The following DPP6 variants were observed in gnomAD, a reference collection of about 807,000 sequenced individuals.
DPP6 encodes dipeptidyl peptidase like 6, also known as A-type potassium channel modulatory protein DPP6.
Under a neutral mutation model 122.6 loss-of-function variants are expected in DPP6, and 69 were observed. That is an observed-to-expected ratio of 0.56 (90% CI 0.46 to 0.69). The LOEUF is 0.69. Ranked by LOEUF, DPP6 falls within the 30% of genes least tolerant of loss-of-function variation. DPP6 has a pLI of 0.00. For missense variants in DPP6, 928 were observed against 1,116.9 expected (o/e 0.83, Z 2.41); for synonymous variants, 418 against 433.1 (o/e 0.97, Z 0.43).
rs1030136434 is a variant in DPP6 at position 154,606,193 on chromosome 7, T to C, written c.628-31628T>C. Among the ~76,000 whole-genome samples the C allele has an allele frequency of 3.3e-5, 4 of 120,410 alleles. 1 individual carries two copies. The highest frequency in any genetic ancestry group is 1.1e-4 in the African/African-American group (4 of 37,926). 79.0% of individuals were successfully genotyped at this position (120,410 alleles called of 152,430 possible). A position where few individuals can be genotyped will look rare whatever the true frequency, so the allele number is the denominator to read the frequency against. ...TTGTTGCAATATTCTCTATCCTTAC[T>C]AGATGTTAGTCTCTATGACCTATCA... On this transcript the variant is annotated intron_variant, in intron 5 of 25. Coordinates refer to ENST00000377770, the MANE Select transcript of DPP6 (RefSeq NM_130797.4).
the DPP6 span, among the ~76,000 whole-genome samples, chr7:153,791,752 T>C: frequency 6.6e-6 from 1 of 152,212 alleles, no homozygotes; most frequent in South Asian, 2.1e-4. Context: ...ATATAATAAT[T>C]TGGTTCTTAT....
chr7:153,814,225 GA>G, the DPP6 span, among the ~76,000 whole-genome samples: 1 of 151,320 alleles, frequency 6.6e-6, no homozygotes, highest in Non-Finnish European at 1.5e-5. Flanking sequence ...TAATAAAGAA[GA>G]AAAGAGAGAA....
rs1040627790 is a variant in DPP6 at position 153,976,390 on chromosome 7, C to G, written c.51+88656C>G. Reference sequence around the variant, plus strand: ...TAACAACAGAAACACGAAGAACCAACTGCATACCACTCCATCAAGAGCCAA... The same window carrying G: ...TAACAACAGAAACACGAAGAACCAAGTGCATACCACTCCATCAAGAGCCAA... On this transcript the variant is annotated intron_variant, in intron 1 of 25. Coordinates refer to the DPP6 transcript ENST00000404039. Among the ~76,000 whole-genome samples, 10 of 152,322 alleles carry G rather than the reference C, an allele frequency of 6.6e-5. No homozygotes were observed. The East Asian group carries it at 1.2e-3, about 18-fold the overall frequency.
At chr7:154,794,582 C>T (rs1050305657) in intron 11 of DPP6, among the ~76,000 whole-genome samples, 2 of 152,228 alleles carry the variant, frequency 1.3e-5, no homozygotes, top group African/African-American at 4.8e-5. Context: ...CAGACCCCGC[C>T]GACAGCCTCC....
chr7:154,573,600 T>C (rs1831268420), intron 5 of DPP6, among the ~76,000 whole-genome samples: 1 of 152,218 alleles, frequency 6.6e-6, no homozygotes, highest in South Asian at 2.1e-4. Context: ...TTATAAATAA[T>C]GGTCCAGATT....
intron 2 of DPP6, among the ~76,000 whole-genome samples, chr7:154,446,863 C>T (rs980877712): frequency 6.6e-6 from 1 of 152,068 alleles, no homozygotes; most frequent in African/African-American, 2.4e-5. Context: ...AAGAGAAGTG[C>T]TATTGGAGTT....
the DPP6 span, among the ~76,000 whole-genome samples, chr7:153,801,023 A>G: frequency 4.0e-5 from 6 of 151,702 alleles, no homozygotes; most frequent in African/African-American, 1.5e-4. Context: ...ATTATTTTCT[A>G]TTGCTTAGTT....
At chr7:154,306,049 C>T (rs1338917643) in intron 1 of DPP6, among the ~76,000 whole-genome samples, 2 of 152,196 alleles carry the variant, frequency 1.3e-5, no homozygotes, top group Admixed American at 1.3e-4. Context: ...AAGGACTTTT[C>T]TTTGGATACC....
chr7:153,758,921 A>G, the DPP6 span, among the ~76,000 whole-genome samples: 1 of 152,220 alleles, frequency 6.6e-6, no homozygotes, highest in African/African-American at 2.4e-5. Context: ...ATCATACAGT[A>G]GGCATATGTT....
chr7:154,817,295 G>T (rs1293454039), intron 16 of DPP6, among the ~76,000 whole-genome samples: 1 of 152,192 alleles, frequency 6.6e-6, no homozygotes, highest in Non-Finnish European at 1.5e-5. Flanking sequence ...CCAAGTGCAG[G>T]TTCAGCAGGA....
At chr7:154,575,472 G>A (rs1256997187) in intron 5 of DPP6, among the ~76,000 whole-genome samples, 7 of 37,808 alleles carry the variant, frequency 1.9e-4, no homozygotes, top group Non-Finnish European at 3.0e-4. Flanking sequence ...GGGTGTATGT[G>A]TGTGGTGTGT....
At chr7:154,159,215 G>A (rs1011227205) in intron 1 of DPP6, among the ~76,000 whole-genome samples, 54 of 152,274 alleles carry the variant, frequency 3.5e-4, no homozygotes, top group African/African-American at 1.2e-3. Flanking sequence ...GTGGTTCCTG[G>A]CACCTCTCTT....
chr7:153,775,795 G>T, the DPP6 span, among the ~76,000 whole-genome samples: 1 of 151,950 alleles, frequency 6.6e-6, no homozygotes, highest in Non-Finnish European at 1.5e-5. Context: ...CAGTGCATAT[G>T]GTAATTCAAA....
intron 3 of DPP6, among the ~76,000 whole-genome samples, chr7:154,488,561 A>G (rs1173774442): frequency 6.6e-6 from 1 of 151,494 alleles, no homozygotes; most frequent in East Asian, 1.9e-4. Flanking sequence ...AGCTCCTGCT[A>G]CTCCTCATAC....
At chr7:154,303,695 T>G (rs1806064734) in intron 1 of DPP6, among the ~76,000 whole-genome samples, 1 of 152,164 alleles carries the variant, frequency 6.6e-6, no homozygotes, top group African/African-American at 2.4e-5. Context: ...AGCAAGGGTT[T>G]CACACGGGGT....
chr7:154,731,638 G>C (rs1842345434), intron 8 of DPP6, among the ~76,000 whole-genome samples: 1 of 152,152 alleles, frequency 6.6e-6, no homozygotes, highest in Non-Finnish European at 1.5e-5. Context: ...TGTGGCTCAT[G>C]GTGGCCACAA....
chr7:154,115,184 C>T (rs947736746), intron 1 of DPP6, among the ~76,000 whole-genome samples: 2 of 152,164 alleles, frequency 1.3e-5, no homozygotes, highest in African/African-American at 4.8e-5. Context: ...AAGACAAATG[C>T]CTTTGTGCCC....
chr7:153,865,228 A>T, the DPP6 span, among the ~76,000 whole-genome samples: 1 of 152,224 alleles, frequency 6.6e-6, no homozygotes, highest in Non-Finnish European at 1.5e-5. Context: ...CGACAGCAAT[A>T]GCAGTATTTT....
At position 153,917,274 on chromosome 7, in the gene DPP6, C is replaced by A. The variant is rs1238150543; in HGVS notation, c.51+29540C>A. Among the ~76,000 whole-genome samples the A allele has an allele frequency of 2.0e-5, 3 of 152,346 alleles. No homozygotes were observed. The East Asian group carries it at 5.8e-4, about 29-fold the overall frequency. ...AGGGATTAGGACACAGTGCCTATCA[C>A]AGTTGGCTTGTGGGAATATATTCTG... is the stretch of plus-strand genomic sequence containing the variant. On this transcript the variant is annotated intron_variant, in intron 1 of 25. Transcript: ENST00000404039.
Sources: allele counts gnomAD v4.1 joint callset (sites outside exome capture counted in the v4.1 genomes callset), GRCh38; gene constraint gnomAD v4.1.1; transcripts MANE v1.5; gene names NCBI Gene and HGNC (gene_info 2026-07-23, HGNC 2026-07-21).